The following C1QTNF6 variants were observed in gnomAD, a reference collection of about 807,000 sequenced individuals.
C1QTNF6 encodes the protein C1q and TNF related 6, also known as complement C1q tumor necrosis factor-related protein 6.
Under a neutral mutation model 20.7 loss-of-function variants are expected in C1QTNF6, and 17 were observed. That is an observed-to-expected ratio of 0.82 (90% CI 0.56 to 1.23). C1QTNF6 has a LOEUF of 1.23. C1QTNF6 is among the 50% of genes most tolerant of loss of function. The pLI is 0.00. For synonymous variants in C1QTNF6, 130 were observed against 156.3 expected, an observed-to-expected ratio of 0.83 and a Z score of 1.25; for missense variants, 329 against 389.7, an observed-to-expected ratio of 0.84 and a Z score of 1.31.
rs762931158 is a variant in C1QTNF6, at chr22:37,182,557, G to A, written c.468C>T (p.Ser156=). The A allele has an allele frequency of 2.8e-5, 45 of 1,614,048 alleles. 1 individual carries two copies. Among genetic ancestry groups the A allele is most frequent in the South Asian group, 5.5e-5 (5 of 91,092 alleles). ...AGAGCAGCGTCTGGAAGTCCTCGCC[G>A]CTGTGCAGGGCCGTCTTGCGGCCCA... is the stretch of plus-strand genomic sequence containing the variant. The part of the protein sequence containing the change: ...FSVGRKTALH[S]GEDFQTLLFE... Residue 156 remains serine, a synonymous_variant, in exon 3 of 3, where the codon AGC becomes AGT. Transcript: ENST00000337843.
upstream of C1QTNF6, among the ~76,000 whole-genome samples, chr22:37,192,025 G>A (rs1018350428): frequency 7.1e-6 from 1 of 140,162 alleles, no homozygotes; most frequent in Non-Finnish European, 1.5e-5. Flanking sequence ...TGGAAAAACT[G>A]AATAATATCC....
chr22:37,182,789 G>C (rs759018796), intron 2 of C1QTNF6, 54 bp from the exon 3 acceptor site: 36 of 1,503,702 alleles, frequency 2.4e-5, no homozygotes, highest in Admixed American at 1.7e-4. Context: ...CTGCTCCAAG[G>C]AGGTGCCCAC....
chr22:37,188,164 CTG>C lies in C1QTNF6; in HGVS notation c.48_49del (p.His16GlnfsTer24). 6.2e-7 allele frequency: 1 copy of C among 1,610,128 alleles called. No individual in the cohort carries two copies. The highest frequency in any genetic ancestry group is 1.1e-5 in the South Asian group (1 of 90,438). ...CTTGAGGAGCCTCTGGTCACTCACC[CTG>C]TGTCCTGTGGCCTCCCCAGGCGACT... On this transcript the variant is annotated frameshift_variant and splice_region_variant, in exon 1 of 3. Transcript: ENST00000337843. LOFTEE classifies it high-confidence loss of function.
At position 37,182,283 on chromosome 22, in the gene C1QTNF6, G is replaced by T. The variant is rs1457161877; in HGVS notation, c.742C>A (p.Leu248Ile). The change falls in exon 3 of 3, where the codon CTC becomes ATC. Residue 248 changes from leucine to isoleucine, a missense_variant. Coordinates refer to ENST00000337843, the MANE Select transcript of C1QTNF6 (RefSeq NM_031910.4). ...LAYGDRVWVR[L>I]FKRQRENAIY... is the part of the protein sequence containing the mutation. ...GCGTTCTCGCGCTGGCGCTTGAAGA[G>T]CCGCACCCAGACGCGGTCCCCGTAG... is the stretch of plus-strand genomic sequence containing the variant. The T allele has an allele frequency of 1.2e-6, 2 of 1,614,070 alleles. No homozygotes were observed. The highest frequency in any genetic ancestry group is 2.7e-5 in the African/African-American group (2 of 74,956).
chr22:37,186,127 G>A (rs952130011), intron 1 of C1QTNF6: 7 of 985,404 alleles, frequency 7.1e-6, no homozygotes, highest in African/African-American at 5.2e-5. Flanking sequence ...GGTGGTGCGC[G>A]GTGATGGTGT....
chr22:37,194,093 G>C (rs1262701157), intron 2 of C1QTNF6, among the ~76,000 whole-genome samples: 2 of 151,946 alleles, frequency 1.3e-5, no homozygotes, highest in East Asian at 3.9e-4. Flanking sequence ...GAGACTAAGA[G>C]AAAGTACTCC....
chr22:37,189,453 A>C (rs115721967), upstream of C1QTNF6, among the ~76,000 whole-genome samples: 485 of 152,220 alleles, frequency 3.2e-3, 2 homozygotes, highest in African/African-American at 0.011. Flanking sequence ...TTCAAGATGG[A>C]GTTGCCCTAT....
chr22:37,187,573 TA>T (rs5845322), intron 1 of C1QTNF6, among the ~76,000 whole-genome samples: 35,262 of 147,210 alleles, frequency 0.24, 4,548 homozygotes, highest in East Asian at 0.59. Context: ...ATAAAAGACT[TA>T]AAAAAAAAAA....
intron 1 of C1QTNF6, chr22:37,197,523 A>AAC (rs1026079296): frequency 2.6e-5 from 4 of 152,276 alleles, no homozygotes; most frequent in African/African-American, 9.7e-5. Flanking sequence ...TACCGCCCTC[A>AAC]ACAGCTCCTC....
chr22:37,191,234 G>A (rs1199034836), upstream of C1QTNF6, among the ~76,000 whole-genome samples: 1 of 152,056 alleles, frequency 6.6e-6, no homozygotes, highest in Admixed American at 6.5e-5. Context: ...TAGGAAATGT[G>A]GATACCTCTG....
At chr22:37,193,612 G>A (rs557707107) in intron 2 of C1QTNF6, among the ~76,000 whole-genome samples, 4 of 152,318 alleles carry the variant, frequency 2.6e-5, no homozygotes, top group African/African-American at 9.6e-5. Context: ...CCAGACTCTA[G>A]CCGGGACAAA....
chr22:37,188,330 GGAGGGAGAGGGCA>G, upstream of C1QTNF6: 1 of 814,204 alleles, frequency 1.2e-6, no homozygotes, highest in Non-Finnish European at 1.8e-6. Context: ...GAGGGAGGGC[GGAGGGAGAGGGCA>G]GAGCCGCTTC....
Position 37,182,661 on chromosome 22 carries a change from G to A in C1QTNF6, c.364C>T (p.Pro122Ser), listed in dbSNP as rs753359141. The A allele has an allele frequency of 1.2e-6, 2 of 1,612,968 alleles. No homozygotes were observed. Among genetic ancestry groups the A allele is most frequent in the East Asian group, 2.2e-5 (1 of 44,858 alleles). Reference protein sequence around the residue: ...GREGPQGEPGPQGSKGDKGEM... With the variant: ...GREGPQGEPGSQGSKGDKGEM... ...CCCTTGTCACCCTTGCTGCCCTGAG[G>A]GCCAGGCTCCCCTTGGGGACCCTCC... is the stretch of plus-strand genomic sequence containing the variant. Residue 122 changes from proline (P) to serine (S), a missense_variant, in exon 3 of 3, where the codon CCT becomes TCT. Coordinates refer to ENST00000337843, the MANE Select transcript of C1QTNF6 (RefSeq NM_031910.4).
At chr22:37,187,179 G>A (rs1924428726) in intron 1 of C1QTNF6, among the ~76,000 whole-genome samples, 1 of 152,166 alleles carries the variant, frequency 6.6e-6, no homozygotes, top group South Asian at 2.1e-4. Context: ...CCCTCTTCCT[G>A]GAGGTGACTC....
At chr22:37,192,781 T>C (rs921117128), upstream of C1QTNF6, among the ~76,000 whole-genome samples, 4 of 152,222 alleles carry the variant, frequency 2.6e-5, no homozygotes, top group African/African-American at 9.6e-5. Context: ...ACACACAACA[T>C]ATATAAATAC....
intron 2 of C1QTNF6, among the ~76,000 whole-genome samples, chr22:37,194,689 G>A (rs1925035082): frequency 6.6e-6 from 1 of 152,200 alleles, no homozygotes; most frequent in Admixed American, 6.5e-5. Flanking sequence ...TTCCATTCCA[G>A]GAGACTAGCC....
At chr22:37,186,536 G>GT (rs1196337434) in intron 1 of C1QTNF6, among the ~76,000 whole-genome samples, 86 of 152,356 alleles carry the variant, frequency 5.6e-4, no homozygotes, top group African/African-American at 2.0e-3. Flanking sequence ...TCAGAAAAGT[G>GT]TAAGTGTTGG....
At chr22:37,197,491 CTG>C (rs1359486662) in intron 1 of C1QTNF6, 1 of 152,334 alleles carries the variant, frequency 6.6e-6, no homozygotes, top group Non-Finnish European at 1.5e-5. Flanking sequence ...CAAGGGCCAA[CTG>C]TGTGCCTGGC....
chr22:37,182,158 T>G lies in C1QTNF6; in HGVS notation c.*30A>C. 1 of 1,583,338 alleles carries G rather than the reference T, an allele frequency of 6.3e-7. No individual in the cohort carries two copies. The highest frequency in any genetic ancestry group is 8.6e-7 in the Non-Finnish European group (1 of 1,163,372). ...CAGGGGACGGGACCAGCACCTGAGC[T>G]CTCCAGCCGGGAGGGTGGCCCAGAG... On this transcript the variant is annotated 3_prime_UTR_variant, in exon 3 of 3. Coordinates refer to ENST00000337843, the MANE Select transcript of C1QTNF6 (RefSeq NM_031910.4).
Sources: gnomAD v4.1 joint callset for allele counts (sites outside exome capture counted in the v4.1 genomes callset) on GRCh38, gnomAD v4.1.1 for gene constraint, MANE v1.5 for transcripts, NCBI Gene and HGNC (gene_info 2026-07-23, HGNC 2026-07-21) for gene names.